Variants in ZMYM4 observed in about 807,000 individuals in gnomAD.
ZMYM4 encodes zinc finger MYM-type protein 4.
Under a neutral mutation model 183.2 loss-of-function variants are expected in ZMYM4, and 31 were observed. The observed-to-expected ratio is 0.17, with a 90% CI of 0.13 to 0.23. ZMYM4 has a LOEUF of 0.23. Ranked by LOEUF, ZMYM4 falls within the 10% of genes least tolerant of loss-of-function variation. The pLI, the probability that ZMYM4 is intolerant of heterozygous loss-of-function variation, is 1.00. For missense variants in ZMYM4, 1,273 were observed against 1,840.3 expected, an observed-to-expected ratio of 0.69 and a Z score of 5.64; for synonymous variants, 592 against 631.2, an observed-to-expected ratio of 0.94 and a Z score of 0.93.
At chr1:35,285,812 T>C (rs1015101220) in intron 1 of ZMYM4, among the ~76,000 whole-genome samples, 7 of 152,200 alleles carry the variant, frequency 4.6e-5, no homozygotes, top group African/African-American at 1.7e-4. Flanking sequence ...TCTCAGTTGA[T>C]GCAGAGAAAG....
intron 1 of ZMYM4, among the ~76,000 whole-genome samples, chr1:35,304,525 T>TAAAA (rs1394242118): frequency 6.6e-6 from 1 of 151,824 alleles, no homozygotes; most frequent in East Asian, 1.9e-4. Context: ...TGGCTCGATC[T>TAAAA]TAGCTTACTG....
At chr1:35,369,009 C>T (rs1450705434) in intron 5 of ZMYM4, among the ~76,000 whole-genome samples, 1 of 152,090 alleles carries the variant, frequency 6.6e-6, no homozygotes, top group Non-Finnish European at 1.5e-5. Flanking sequence ...GCATGTGCCT[C>T]ACTCACCTCA....
At chr1:35,403,472 G>C (rs1644948371) in intron 23 of ZMYM4, among the ~76,000 whole-genome samples, 1 of 152,028 alleles carries the variant, frequency 6.6e-6, no homozygotes, top group Non-Finnish European at 1.5e-5. Context: ...TTTTAGTAGA[G>C]ATGGGGTGTC....
At chr1:35,295,445 CAG>C (rs1640960045) in intron 1 of ZMYM4, among the ~76,000 whole-genome samples, 1 of 152,136 alleles carries the variant, frequency 6.6e-6, no homozygotes. Flanking sequence ...TAGATGAGAT[CAG>C]GGGAATAACA....
In ZMYM4 at chr1:35,323,022, C is replaced by T. The variant is rs540524393; in HGVS notation, c.40-2338C>T. Among the ~76,000 whole-genome samples the T allele has an allele frequency of 4.7e-5, 7 of 150,208 alleles. No individual in the cohort carries two copies. In the East Asian group the frequency reaches 6.0e-4, roughly 13 times the overall value. On this transcript the variant is annotated intron_variant, in intron 1 of 29. Coordinates refer to ENST00000314607, the MANE Select transcript of ZMYM4 (RefSeq NM_005095.3). ...TTTGTTTTTGTTTTTGTTTTTGAGA[C>T]GGAATCATGCTTTGTCCCCTAGGCT...
intron 2 of ZMYM4, among the ~76,000 whole-genome samples, chr1:35,333,971 A>G (rs1173477722): frequency 6.6e-6 from 1 of 151,748 alleles, no homozygotes; most frequent in Non-Finnish European, 1.5e-5. Flanking sequence ...CCTTTAATGT[A>G]TGTTTTTGTA....
In ZMYM4 at chr1:35,398,813, A is replaced by G. The variant is rs1289689509; in HGVS notation, c.3254-51A>G. 1.9e-6 allele frequency: 3 copies of G among 1,589,378 alleles called. No homozygotes were observed. The Admixed American group carries it at 5.2e-5, about 27-fold the overall frequency. Reference sequence around the variant, plus strand: ...GTTCAGGAAGTTTTCCGAGCATGTCAAGATGAGGCTATTTTATTTTGAGGG... The same window carrying G: ...GTTCAGGAAGTTTTCCGAGCATGTCGAGATGAGGCTATTTTATTTTGAGGG... On this transcript the variant is annotated intron_variant, in intron 21 of 29. Coordinates refer to ENST00000314607, the MANE Select transcript of ZMYM4 (RefSeq NM_005095.3).
chr1:35,268,980 G>A lies in ZMYM4; in HGVS notation c.-67G>A. 1 of 1,481,786 alleles carries A rather than the reference G, an allele frequency of 6.7e-7. No homozygotes were observed. Among genetic ancestry groups the A allele is most frequent in the Non-Finnish European group, 9.0e-7 (1 of 1,114,476 alleles). 91.8% of individuals were successfully genotyped at this position (1,481,786 alleles called of 1,614,324 possible). A position where few individuals can be genotyped will look rare whatever the true frequency, so the allele number is the denominator to read the frequency against. ...GGCCGTGCCTGCAGTGTGGGCGGGG[G>A]CCGGGGGGCCGAGAGGTACCGCCGC... On this transcript the variant is annotated 5_prime_UTR_variant, in exon 1 of 30. Transcript: ENST00000314607.
intron 1 of ZMYM4, among the ~76,000 whole-genome samples, chr1:35,275,593 T>TA (rs1264216800): frequency 6.6e-6 from 1 of 152,212 alleles, no homozygotes; most frequent in Non-Finnish European, 1.5e-5. Context: ...TATGGATACT[T>TA]AAGAGGTATT....
intron 2 of ZMYM4, among the ~76,000 whole-genome samples, chr1:35,348,430 G>A (rs561965907): frequency 2.0e-5 from 3 of 152,030 alleles, no homozygotes; most frequent in African/African-American, 7.2e-5. Flanking sequence ...GATACACTTC[G>A]CTTTCTGTTC....
Position 35,398,961 on chromosome 1 carries a change from T to C in ZMYM4, c.3351T>C (p.Asn1117=). The C allele has an allele frequency of 3.1e-6, 5 of 1,614,160 alleles. No individual in the cohort carries two copies. Among genetic ancestry groups the C allele is most frequent in the South Asian group, 1.1e-5 (1 of 91,088 alleles). ...EELNHYALKS[N]AVQEADSELK... is the part of the protein sequence containing the mutation. ...TGAATCACTATGCCTTAAAGTCAAA[T>C]GCTGTGCAAGAGGCTGATTCAGAAT... The change falls in exon 22 of 30, where the codon AAT becomes AAC. Residue 1117 remains asparagine (N), a synonymous_variant. Coordinates refer to ENST00000314607, the MANE Select transcript of ZMYM4 (RefSeq NM_005095.3).
intron 5 of ZMYM4, among the ~76,000 whole-genome samples, chr1:35,367,864 T>G (rs1464542032): frequency 6.6e-6 from 1 of 152,018 alleles, no homozygotes; most frequent in African/African-American, 2.4e-5. Flanking sequence ...TAATCTCAGC[T>G]ACTGGGGAGG....
At chr1:35,310,368 ATAT>A in intron 1 of ZMYM4, 1 of 260,782 alleles carries the variant, frequency 3.8e-6, no homozygotes, top group Non-Finnish European at 7.4e-6. Context: ...TTTTTCACTA[ATAT>A]TACAAGGGTC....
chr1:35,293,582 A>G (rs1431077221), intron 1 of ZMYM4, among the ~76,000 whole-genome samples: 1 of 151,940 alleles, frequency 6.6e-6, no homozygotes, highest in East Asian at 1.9e-4. Flanking sequence ...CTCCCAAAGT[A>G]CTAAGATTAC....
At chr1:35,406,340 C>T (rs992825707) in intron 25 of ZMYM4, among the ~76,000 whole-genome samples, 2 of 152,086 alleles carry the variant, frequency 1.3e-5, no homozygotes, top group African/African-American at 4.8e-5. Context: ...CCATTAACTG[C>T]CTAGTAGCAT....
At chr1:35,353,882 C>T (rs1001071578) in intron 2 of ZMYM4, among the ~76,000 whole-genome samples, 1 of 152,140 alleles carries the variant, frequency 6.6e-6, no homozygotes, top group African/African-American at 2.4e-5. Flanking sequence ...GGTGCAGTGG[C>T]TCATGCAGTC....
intron 2 of ZMYM4, among the ~76,000 whole-genome samples, chr1:35,331,797 C>CATAAATAA (rs56242648): frequency 0.21 from 29,163 of 140,164 alleles, 3,415 homozygotes; most frequent in East Asian, 0.33. Flanking sequence ...CTCAAAAATA[C>CATAAATAA]ATAAATAAAT....
intron 1 of ZMYM4, chr1:35,292,159 A>C (rs1640792837): frequency 6.6e-6 from 1 of 152,136 alleles, no homozygotes; most frequent in Admixed American, 6.5e-5. Flanking sequence ...AAGAGAAAGC[A>C]TATCTTGGTT....
At position 35,420,486 on chromosome 1, in the gene ZMYM4, G is replaced by A. The variant is rs1640287945; in HGVS notation, c.*809G>A. 1 of 152,574 alleles carries A rather than the reference G, an allele frequency of 6.6e-6. No homozygotes were observed. The highest frequency in any genetic ancestry group is 6.5e-5 in the Admixed American group (1 of 15,282). 9.5% of individuals were successfully genotyped at this position (152,574 alleles called of 1,614,324 possible). On this transcript the variant is annotated 3_prime_UTR_variant, in exon 30 of 30. Coordinates refer to ENST00000314607, the MANE Select transcript of ZMYM4 (RefSeq NM_005095.3). ...AACCCACTAAAATGCCCCTTCTCTG[G>A]GTGTGGGCCCTTATTGCAGCTGTCT...
Sources: allele counts gnomAD v4.1 joint callset (sites outside exome capture counted in the v4.1 genomes callset), GRCh38; gene constraint gnomAD v4.1.1; transcripts MANE v1.5; gene names NCBI Gene and HGNC (gene_info 2026-07-23, HGNC 2026-07-21).